Variants in DUSP22 observed in about 807,000 individuals in gnomAD.
DUSP22 encodes dual specificity phosphatase 22, also known as dual specificity protein phosphatase 22.
In DUSP22, 24 loss-of-function variants were observed where a neutral mutation model predicts 24.5. The observed-to-expected ratio is 0.98, with a 90% CI of 0.71 to 1.38. The LOEUF is 1.38. Among genes scored for constraint, DUSP22 ranks in the 40% most tolerant of loss-of-function variants. The pLI, the probability that DUSP22 is intolerant of heterozygous loss-of-function variation, is 0.00. For synonymous variants in DUSP22, 160 were observed against 106.4 expected (o/e 1.50, Z -3.10); for missense variants, 330 against 269.2 (o/e 1.23, Z -1.58).
chr6:314,524 G>A (rs1462908428), intron 3 of DUSP22, among the ~76,000 whole-genome samples: 1 of 152,298 alleles, frequency 6.6e-6, no homozygotes, highest in Admixed American at 6.5e-5. Flanking sequence ...AAGGGCTTTT[G>A]GAAACTCTAG....
intron 3 of DUSP22, among the ~76,000 whole-genome samples, chr6:333,179 TGA>T (rs1214930472): frequency 6.6e-6 from 1 of 152,294 alleles, no homozygotes; most frequent in Non-Finnish European, 1.5e-5. Context: ...CCAGGAGAAA[TGA>T]GGACAGAGAC....
chr6:350,580 C>A lies in DUSP22; in HGVS notation c.*1629C>A. 7.1e-7 allele frequency: 1 copy of A among 1,414,630 alleles called. No homozygotes were observed. The allele number at this position is 1,414,630 out of a possible 1,614,324, so 87.6% of individuals were successfully genotyped here. On this transcript the variant is annotated 3_prime_UTR_variant, in exon 7 of 7. Coordinates refer to ENST00000419235, the MANE Select transcript of DUSP22 (RefSeq NM_001286555.3). ...CTGATTCCGCGCAGGTGCACAGGCC[C>A]CGGATGTACACCCGGAAAGGGGAGT...
intron 3 of DUSP22, among the ~76,000 whole-genome samples, chr6:319,495 T>C (rs1758490968): frequency 1.3e-5 from 2 of 152,310 alleles, no homozygotes; most frequent in African/African-American, 4.8e-5. Flanking sequence ...GTCTAGACTT[T>C]CTTTCCTGTG....
chr6:293,421 C>G (rs1317781853), intron 1 of DUSP22, among the ~76,000 whole-genome samples: 1 of 152,412 alleles, frequency 6.6e-6, no homozygotes, highest in East Asian at 1.9e-4. Context: ...CTTTACAAAG[C>G]CCGCAACAAA....
intron 4 of DUSP22, among the ~76,000 whole-genome samples, chr6:336,241 A>C (rs1033784304): frequency 1.3e-5 from 2 of 152,308 alleles, no homozygotes; most frequent in Non-Finnish European, 2.9e-5. Flanking sequence ...TATATGCCAC[A>C]GGTCAAAGAC....
At chr6:348,587 G>A in intron 6 of DUSP22, 182 bp from the exon 7 acceptor site, 2 of 1,078,994 alleles carry the variant, frequency 1.9e-6, no homozygotes, top group South Asian at 3.2e-5. Context: ...GCACCTTGAA[G>A]GAGCAGTTCC....
intron 3 of DUSP22, among the ~76,000 whole-genome samples, chr6:313,492 G>A (rs1758199844): frequency 6.6e-6 from 1 of 152,310 alleles, no homozygotes; most frequent in Admixed American, 6.5e-5. Flanking sequence ...TCAGAGCTGT[G>A]GGCAAACTGT....
chr6:299,795 T>A (rs1336327654), intron 1 of DUSP22, among the ~76,000 whole-genome samples: 5 of 152,422 alleles, frequency 3.3e-5, no homozygotes, highest in African/African-American at 1.2e-4. Flanking sequence ...ACTAGGCCCA[T>A]GCCACAGGTG....
intron 3 of DUSP22, among the ~76,000 whole-genome samples, chr6:332,276 G>C (rs1216084613): frequency 1.3e-5 from 2 of 152,310 alleles, no homozygotes; most frequent in African/African-American, 4.8e-5. Flanking sequence ...AATTGTGGTT[G>C]GGAGCCATTT....
intron 4 of DUSP22, among the ~76,000 whole-genome samples, chr6:335,430 A>G (rs1376858646): frequency 6.6e-6 from 1 of 152,310 alleles, no homozygotes; most frequent in Non-Finnish European, 1.5e-5. Flanking sequence ...TTTACAAAGG[A>G]TACCTTAAAC....
chr6:334,344 T>G (rs1418217335), intron 3 of DUSP22, among the ~76,000 whole-genome samples: 3 of 152,304 alleles, frequency 2.0e-5, no homozygotes, highest in African/African-American at 7.2e-5. Flanking sequence ...GTTTTGTGTT[T>G]CTACTTGACA....
intron 3 of DUSP22, among the ~76,000 whole-genome samples, chr6:315,583 T>TTGTGCTTGTAC (rs1160912920): frequency 6.6e-6 from 1 of 152,312 alleles, no homozygotes; most frequent in Admixed American, 6.5e-5. Flanking sequence ...GTTGTGCTAT[T>TTGTGCTTGTAC]TGTGCTTGTA....
At chr6:332,644 C>CTTTTTTTTTTTTTTTTTTT (rs3053546) in intron 3 of DUSP22, among the ~76,000 whole-genome samples, 1 of 148,066 alleles carries the variant, frequency 6.8e-6, no homozygotes, top group Non-Finnish European at 1.5e-5. Context: ...TCCTGTCCTT[C>CTTTTTTTTTTTTTTTTTTT]TTTTTTTTTT....
At chr6:309,350 A>G (rs1176500493) in intron 2 of DUSP22, among the ~76,000 whole-genome samples, 3 of 152,310 alleles carry the variant, frequency 2.0e-5, no homozygotes, top group Admixed American at 2.0e-4. Flanking sequence ...CTTTGGGTCA[A>G]AAGATGAGCC....
chr6:304,869 C>T (rs531252101), intron 2 of DUSP22, among the ~76,000 whole-genome samples: 4 of 151,638 alleles, frequency 2.6e-5, no homozygotes, highest in African/African-American at 4.8e-5. Flanking sequence ...TCCTCCCAGC[C>T]CCGGGCAGCC....
chr6:293,120 G>T (rs1757171257), intron 1 of DUSP22, among the ~76,000 whole-genome samples: 1 of 152,302 alleles, frequency 6.6e-6, no homozygotes, highest in African/African-American at 2.4e-5. Context: ...GAGTTGATTA[G>T]GTTATGTGAC....
At chr6:318,630 C>A (rs1309067761) in intron 3 of DUSP22, among the ~76,000 whole-genome samples, 2 of 152,308 alleles carry the variant, frequency 1.3e-5, no homozygotes, top group Non-Finnish European at 2.9e-5. Context: ...ACCCCAGGGC[C>A]TTTCCTGTCC....
At position 349,328 on chromosome 6, in the gene DUSP22, A is replaced by T. The variant is rs1407187320; in HGVS notation, c.*377A>T. On this transcript the variant is annotated 3_prime_UTR_variant, in exon 7 of 7. Coordinates refer to ENST00000419235, the MANE Select transcript of DUSP22 (RefSeq NM_001286555.3). Reference sequence around the variant, plus strand: ...GTATGTTGTGAAAGTGTCTGTGCACATGAATGTTTGTGTGTGTGTGAACTC... The same window carrying T: ...GTATGTTGTGAAAGTGTCTGTGCACTTGAATGTTTGTGTGTGTGTGAACTC... 2 of 1,092,896 alleles carry T rather than the reference A, an allele frequency of 1.8e-6. No homozygotes were observed. Among genetic ancestry groups the T allele is most frequent in the Non-Finnish European group, 2.2e-6 (2 of 896,580 alleles). The allele number at this position is 1,092,896 out of a possible 1,614,324, so 67.7% of individuals were successfully genotyped here.
At position 306,878 on chromosome 6, in the gene DUSP22, TGG is replaced by T. The variant is rs1757834499; in HGVS notation, c.55+2219_55+2220del. Among the ~76,000 whole-genome samples, 9 of 152,410 alleles carry T rather than the reference TGG, an allele frequency of 5.9e-5. No individual in the cohort carries two copies. In the South Asian group the frequency reaches 1.9e-3, roughly 32 times the overall value. ...GAGTTACACACCTGGGGGTGTAGAC[TGG>T]GAAGATGGAGTCTGTCTCACAGGGC... On this transcript the variant is annotated intron_variant, in intron 2 of 6. Transcript: ENST00000419235.
Sources: allele counts gnomAD v4.1 joint callset (sites outside exome capture counted in the v4.1 genomes callset), GRCh38; gene constraint gnomAD v4.1.1; transcripts MANE v1.5; gene names NCBI Gene and HGNC (gene_info 2026-07-23, HGNC 2026-07-21).